TOX4: variants seen among roughly 807,000 people sequenced by gnomAD.
The protein encoded by TOX4 is TOX high mobility group box family member 4.
Under a neutral mutation model 61.0 loss-of-function variants are expected in TOX4, and 12 were observed. The ratio of observed to expected loss-of-function variants is 0.20; its 90% CI spans 0.13 to 0.32. TOX4 has a LOEUF of 0.32. Ranked by LOEUF, TOX4 falls within the 10% of genes least tolerant of loss-of-function variation. TOX4 has a pLI of 1.00. For synonymous variants in TOX4, 268 were observed against 274.8 expected (o/e 0.98, Z 0.24); for missense variants, 499 against 753.3 (o/e 0.66, Z 3.95).
At position 21,498,228 on chromosome 14, in the gene TOX4, A is replaced by G. The variant is rs756539339; in HGVS notation, c.*1622A>G. ...AGGTTTAGCTTACAGAGCCATGGCTATGGATTCTTAGCTCTGTAAGGAAGT... is the reference window on the plus strand; with the variant it reads ...AGGTTTAGCTTACAGAGCCATGGCTGTGGATTCTTAGCTCTGTAAGGAAGT... On this transcript the variant is annotated 3_prime_UTR_variant, in exon 9 of 9. Transcript: ENST00000448790. 7.9e-6 allele frequency: 10 copies of G among 1,270,364 alleles called. No homozygotes were observed. Among genetic ancestry groups the G allele is most frequent in the East Asian group, 2.3e-5 (1 of 43,294 alleles). The allele number at this position is 1,270,364 out of a possible 1,614,324, so 78.7% of individuals were successfully genotyped here. A position where few individuals can be genotyped will look rare whatever the true frequency, so the allele number is the denominator to read the frequency against.
chr14:21,490,760 A>G (rs1205780374), intron 5 of TOX4, among the ~76,000 whole-genome samples: 2 of 152,216 alleles, frequency 1.3e-5, no homozygotes, highest in East Asian at 1.9e-4. Context: ...AAATTAGGCT[A>G]TTACTTGATA....
chr14:21,481,960 A>T (rs1891114939), intron 2 of TOX4, among the ~76,000 whole-genome samples: 1 of 152,212 alleles, frequency 6.6e-6, no homozygotes, highest in Non-Finnish European at 1.5e-5. Context: ...TGCATCTTTG[A>T]TCTGGATAGT....
intron 2 of TOX4, 142 bp downstream of exon 2, chr14:21,477,706 T>G: frequency 1.2e-6 from 1 of 861,478 alleles, no homozygotes; most frequent in Non-Finnish European, 1.8e-6. Flanking sequence ...TGGCGGTTGC[T>G]TCTAGAGCCT....
intron 2 of TOX4, among the ~76,000 whole-genome samples, chr14:21,483,705 T>C (rs1251233516): frequency 6.6e-6 from 1 of 151,710 alleles, no homozygotes; most frequent in Non-Finnish European, 1.5e-5. Context: ...CAAAACAACA[T>C]ACATAAATAC....
Position 21,477,481 on chromosome 14 carries a change from T to A in TOX4, c.7-15T>A. 1 of 1,613,256 alleles carries A rather than the reference T, an allele frequency of 6.2e-7. No individual in the cohort carries two copies. The highest frequency in any genetic ancestry group is 8.5e-7 in the Non-Finnish European group (1 of 1,180,016). On this transcript the variant is annotated splice_polypyrimidine_tract_variant and intron_variant, in intron 1 of 8. Coordinates refer to ENST00000448790, the MANE Select transcript of TOX4 (RefSeq NM_014828.4). ...TCCCCCTAACTTATCCCCGCGACTT[T>A]CTTTTGGTTTCCAGTTTCCCGGAGG... is the stretch of plus-strand genomic sequence containing the variant.
intron 8 of TOX4, chr14:21,496,111 T>A (rs1891393059): frequency 6.6e-6 from 1 of 152,356 alleles, no homozygotes; most frequent in Non-Finnish European, 1.4e-5. Context: ...CTCAGGAGGC[T>A]GAAGCAGGAG....
intron 2 of TOX4, among the ~76,000 whole-genome samples, chr14:21,481,138 A>T (rs1178767465): frequency 6.6e-6 from 1 of 152,224 alleles, no homozygotes; most frequent in East Asian, 1.9e-4. Context: ...GTCACTTCAC[A>T]AAAGAAGACG....
At position 21,477,211 on chromosome 14, in the gene TOX4, C is replaced by T; in HGVS notation, c.-68C>T. ...ACACACGTCCTTGCGGAAGTGACGG[C>T]AGTTCCGAGTCCAGTGGGGGCGGTG... On this transcript the variant is annotated 5_prime_UTR_variant, in exon 1 of 9. Coordinates refer to ENST00000448790, the MANE Select transcript of TOX4 (RefSeq NM_014828.4). 6.2e-7 allele frequency: 1 copy of T among 1,613,382 alleles called. No individual in the cohort carries two copies. The highest frequency in any genetic ancestry group is 8.5e-7 in the Non-Finnish European group (1 of 1,179,310).
rs754104242 is a variant in TOX4 at position 21,493,109 on chromosome 14, T to C, written c.1493T>C (p.Leu498Pro). 2 of 1,614,060 alleles carry C rather than the reference T, an allele frequency of 1.2e-6. No individual in the cohort carries two copies. The highest frequency in any genetic ancestry group is 1.3e-5 in the African/African-American group (1 of 74,932). ...CCTCTGCAGATCAAGAGTGTGCCTC[T>C]ACCCACTTTGAAAATGCAGACTACC... ...PPPLQIKSVP[L>P]PTLKMQTTLV... is the part of the protein sequence containing the mutation. Residue 498 changes from leucine to proline, a missense_variant, in exon 7 of 9, where the codon CTA becomes CCA. Leu to Pro is a moderately conservative substitution (Grantham distance 98). Around this residue, in one of 7 missense-constraint regions of TOX4, gnomAD observed 296 missense variants for 404.7 expected, o/e 0.73. Transcript: ENST00000448790.
intron 2 of TOX4, among the ~76,000 whole-genome samples, chr14:21,485,113 CA>C (rs1385550391): frequency 2.8e-5 from 3 of 107,100 alleles, no homozygotes; most frequent in Admixed American, 2.5e-4. Context: ...ACAAAAAATG[CA>C]AAAATTAGCC....
chr14:21,480,172 G>C (rs56208700), intron 2 of TOX4, among the ~76,000 whole-genome samples: 498 of 152,232 alleles, frequency 3.3e-3, no homozygotes, highest in African/African-American at 0.011. Flanking sequence ...TTCCCATGAA[G>C]AATCATGGTG....
At chr14:21,477,828 G>C (rs185177977) in intron 2 of TOX4, among the ~76,000 whole-genome samples, 2 of 152,368 alleles carry the variant, frequency 1.3e-5, no homozygotes, top group East Asian at 3.9e-4. Context: ...AGACAGAGTG[G>C]AATTGTCTCC....
intron 4 of TOX4, 98 bp from the exon 5 acceptor site, chr14:21,489,074 AT>A: frequency 7.4e-7 from 1 of 1,353,658 alleles, no homozygotes; most frequent in Non-Finnish European, 1.0e-6. Flanking sequence ...TATTTCTATG[AT>A]TTTTAGCATT....
Position 21,499,070 on chromosome 14 carries a change from C to A in TOX4, c.*2464C>A. 6.2e-7 allele frequency: 1 copy of A among 1,614,108 alleles called. No homozygotes were observed. The highest frequency in any genetic ancestry group is 8.5e-7 in the Non-Finnish European group (1 of 1,180,008). On this transcript the variant is annotated 3_prime_UTR_variant, in exon 9 of 9. Transcript: ENST00000448790. ...TGGTCGTCCAAATAACTCAATCTTG[C>A]GAGTGCCAGGAGATAGTCTTTCAAT...
chr14:21,493,478 A>G (rs1247383503), intron 7 of TOX4, among the ~76,000 whole-genome samples: 3 of 151,884 alleles, frequency 2.0e-5, no homozygotes, highest in South Asian at 2.1e-4. Flanking sequence ...AGTTTCACTC[A>G]TTGCCCAGGC....
chr14:21,496,500 TCA>T, intron 8 of TOX4, 44 bp from the exon 9 acceptor site: 1 of 1,553,192 alleles, frequency 6.4e-7, no homozygotes, highest in Non-Finnish European at 8.9e-7. Context: ...TAATTCTATT[TCA>T]GTTTGTGTAT....
At position 21,492,270 on chromosome 14, in the gene TOX4, T is replaced by C. The variant is rs1469198835; in HGVS notation, c.811-26T>C. ...CCTAAGAGTATGGGGAGTTTTGTTT[T>C]TTTTTTTAAAGTCTCTTTTTTGCAG... On this transcript the variant is annotated intron_variant, in intron 5 of 8. Transcript: ENST00000448790. The C allele has an allele frequency of 1.9e-6, 3 of 1,589,114 alleles. No homozygotes were observed. The African/African-American group carries it at 4.1e-5, about 22-fold the overall frequency.
intron 2 of TOX4, among the ~76,000 whole-genome samples, chr14:21,483,934 G>A (rs1404914016): frequency 2.0e-5 from 3 of 151,638 alleles, no homozygotes; most frequent in African/African-American, 7.3e-5. Context: ...CAGCCACCTG[G>A]GTAGCTGGGA....
Position 21,487,589 on chromosome 14 carries a change from A to C in TOX4, c.214A>C (p.Ser72Arg), listed in dbSNP as rs1280677177. ...LADPSSSQDGSFSAQYGVQTL... is the reference protein window; with the variant it reads ...LADPSSSQDGRFSAQYGVQTL... Reference sequence around the variant, plus strand: ...AGACCCTTCCTCTTCACAGGATGGCAGTTTTTCAGCCCAGTATGGGGTCCA... The same window carrying C: ...AGACCCTTCCTCTTCACAGGATGGCCGTTTTTCAGCCCAGTATGGGGTCCA... Residue 72 changes from serine to arginine, a missense_variant, in exon 3 of 9, where the codon AGT becomes CGT. By Grantham distance (110) the Ser-to-Arg change is moderately radical. Coordinates refer to ENST00000448790, the MANE Select transcript of TOX4 (RefSeq NM_014828.4). 6.2e-7 allele frequency: 1 copy of C among 1,614,128 alleles called. No homozygotes were observed. The highest frequency in any genetic ancestry group is 8.5e-7 in the Non-Finnish European group (1 of 1,180,024).
Sources: gnomAD v4.1 joint callset for allele counts (sites outside exome capture counted in the v4.1 genomes callset) on GRCh38, gnomAD v4.1.1 for gene constraint, gnomAD v4.1.1 regional missense constraint, MANE v1.5 for transcripts, NCBI Gene and HGNC (gene_info 2026-07-23, HGNC 2026-07-21) for gene names.